Variants in KCNIP4 observed in about 807,000 individuals in gnomAD.
KCNIP4 encodes Kv channel-interacting protein 4.
Under a neutral mutation model 34.0 loss-of-function variants are expected in KCNIP4, and 12 were observed. That is an observed-to-expected ratio of 0.35 (90% CI 0.23 to 0.57). KCNIP4 has a LOEUF of 0.57. Ranked by LOEUF, KCNIP4 falls within the 20% of genes least tolerant of loss-of-function variation. The probability of loss-of-function intolerance (pLI) is 0.83; values close to 1 mark genes in which losing one functional copy is unlikely to be tolerated. For synonymous variants in KCNIP4, 124 were observed against 102.2 expected, an observed-to-expected ratio of 1.21 and a Z score of -1.29; for missense variants, 238 against 311.7, an observed-to-expected ratio of 0.76 and a Z score of 1.78.
At chr4:21,192,946 C>CTAATAA (rs1408633336) in intron 1 of KCNIP4, among the ~76,000 whole-genome samples, 3 of 145,014 alleles carry the variant, frequency 2.1e-5, no homozygotes, top group African/African-American at 5.1e-5. Context: ...ACTACTACTA[C>CTAATAA]TACTACTAAT....
intron 1 of KCNIP4, among the ~76,000 whole-genome samples, chr4:21,008,614 C>T (rs911440978): frequency 6.6e-6 from 1 of 151,720 alleles, no homozygotes; most frequent in Non-Finnish European, 1.5e-5. Context: ...AGCTCCGCCT[C>T]CCGGGTTCAC....
intron 1 of KCNIP4, among the ~76,000 whole-genome samples, chr4:21,593,073 A>G (rs1301847306): frequency 6.6e-6 from 1 of 150,676 alleles, no homozygotes; most frequent in Non-Finnish European, 1.5e-5. Context: ...AAAATGCTGC[A>G]TTGCATATAT....
intron 1 of KCNIP4, among the ~76,000 whole-genome samples, chr4:21,818,848 A>AAAAACAAAAC (rs10672374): frequency 3.0e-4 from 45 of 152,044 alleles, no homozygotes; most frequent in African/African-American, 1.0e-3. Context: ...GAGACTAGTA[A>AAAAACAAAAC]AAAACAAAAC....
At chr4:21,926,465 C>A (rs13132720) in intron 1 of KCNIP4, among the ~76,000 whole-genome samples, 2 of 152,038 alleles carry the variant, frequency 1.3e-5, no homozygotes. Context: ...CTATTTGAAT[C>A]ATTGAGAAGA....
intron 1 of KCNIP4, among the ~76,000 whole-genome samples, chr4:21,776,483 G>T (rs1719189112): frequency 6.6e-6 from 1 of 151,908 alleles, no homozygotes; most frequent in Admixed American, 6.6e-5. Flanking sequence ...AACAGGCCTG[G>T]GTATCACAAA....
At chr4:21,430,032 T>A (rs1439157886) in intron 1 of KCNIP4, among the ~76,000 whole-genome samples, 1 of 152,294 alleles carries the variant, frequency 6.6e-6, no homozygotes, top group South Asian at 2.1e-4. Flanking sequence ...AAGGCTGATA[T>A]ACTTTGGTAC....
intron 1 of KCNIP4, among the ~76,000 whole-genome samples, chr4:20,906,026 T>TTTCCCC (rs1035551184): frequency 6.6e-6 from 1 of 151,784 alleles, no homozygotes; most frequent in Non-Finnish European, 1.5e-5. Flanking sequence ...TCTTCTTTCC[T>TTTCCCC]TTCCCCTTCC....
At chr4:21,307,948 A>C (rs559597324) in intron 1 of KCNIP4, among the ~76,000 whole-genome samples, 1 of 152,202 alleles carries the variant, frequency 6.6e-6, no homozygotes, top group Non-Finnish European at 1.5e-5. Flanking sequence ...AAAATATCTT[A>C]AAATCACTGG....
intron 2 of KCNIP4, among the ~76,000 whole-genome samples, chr4:20,875,032 A>G (rs537769268): frequency 6.6e-6 from 1 of 152,112 alleles, no homozygotes; most frequent in Non-Finnish European, 1.5e-5. Context: ...CTGCAATGCT[A>G]GATCTGGAAA....
intron 1 of KCNIP4, among the ~76,000 whole-genome samples, chr4:21,533,345 T>G (rs929395590): frequency 6.6e-6 from 1 of 152,110 alleles, no homozygotes; most frequent in African/African-American, 2.4e-5. Flanking sequence ...TGAAATAATA[T>G]CACTAAAAGG....
At chr4:20,996,360 G>A (rs563338113) in intron 1 of KCNIP4, among the ~76,000 whole-genome samples, 6 of 152,176 alleles carry the variant, frequency 3.9e-5, no homozygotes, top group Admixed American at 1.3e-4. Context: ...CATTATATTC[G>A]GGATAACATT....
intron 1 of KCNIP4, among the ~76,000 whole-genome samples, chr4:21,247,820 T>TATATAC (rs767314805): frequency 0.14 from 14,131 of 100,148 alleles, 1,513 homozygotes; most frequent in South Asian, 0.19. Context: ...TATATATATA[T>TATATAC]ACACACACAC....
intron 1 of KCNIP4, among the ~76,000 whole-genome samples, chr4:21,889,869 A>T (rs1198552475): frequency 2.0e-5 from 3 of 152,060 alleles, no homozygotes; most frequent in African/African-American, 7.2e-5. Context: ...CCGTGTTTCC[A>T]CGTTTGATTC....
At chr4:20,820,777 A>G (rs1037623456) in intron 3 of KCNIP4, among the ~76,000 whole-genome samples, 1 of 152,186 alleles carries the variant, frequency 6.6e-6, no homozygotes, top group African/African-American at 2.4e-5. Context: ...TTTGAGGCTT[A>G]CTACCCAGGG....
intron 1 of KCNIP4, among the ~76,000 whole-genome samples, chr4:21,439,049 G>C (rs983794550): frequency 6.6e-6 from 1 of 151,536 alleles, no homozygotes; most frequent in Non-Finnish European, 1.5e-5. Flanking sequence ...GTAGTCCCAG[G>C]TACTCGGGAG....
At chr4:21,212,459 T>C (rs537355201) in intron 1 of KCNIP4, among the ~76,000 whole-genome samples, 1 of 152,342 alleles carries the variant, frequency 6.6e-6, no homozygotes, top group East Asian at 1.9e-4. Context: ...ACAGTGTAAG[T>C]TATTCATTAT....
intron 1 of KCNIP4, among the ~76,000 whole-genome samples, chr4:21,330,186 T>C (rs1238630886): frequency 6.6e-6 from 1 of 152,204 alleles, no homozygotes; most frequent in African/African-American, 2.4e-5. Context: ...TAATCATAAT[T>C]GCAGCAGAGG....
At chr4:21,947,471 G>A (rs1279604376) in intron 1 of KCNIP4, among the ~76,000 whole-genome samples, 1 of 152,040 alleles carries the variant, frequency 6.6e-6, no homozygotes, top group Admixed American at 6.5e-5. Flanking sequence ...GTGTCCTCCC[G>A]GTTACGATGA....
chr4:21,041,059 C>A (rs2149779079), intron 1 of KCNIP4, among the ~76,000 whole-genome samples: 1 of 152,060 alleles, frequency 6.6e-6, no homozygotes, highest in East Asian at 1.9e-4. Flanking sequence ...CCCCCAACAT[C>A]CCTTTCACAT....
Sources: gnomAD v4.1 joint callset for allele counts (sites outside exome capture counted in the v4.1 genomes callset) on GRCh38, gnomAD v4.1.1 for gene constraint, MANE v1.5 for transcripts, NCBI Gene and HGNC (gene_info 2026-07-23, HGNC 2026-07-21) for gene names.